Variants in SF3A3 observed in about 807,000 individuals in gnomAD.
SF3A3 encodes the protein SAP 61.
In SF3A3, 9 loss-of-function variants were observed where a neutral mutation model predicts 85.8. The observed-to-expected ratio is 0.10, with a 90% CI of 0.06 to 0.18. SF3A3 has a LOEUF of 0.18. SF3A3 is among the 10% of genes least tolerant of loss of function. The probability of loss-of-function intolerance (pLI) is 1.00; values close to 1 mark genes in which losing one functional copy is unlikely to be tolerated. For synonymous variants in SF3A3, 195 were observed against 204.4 expected, an observed-to-expected ratio of 0.95 and a Z score of 0.39; for missense variants, 306 against 593.3, an observed-to-expected ratio of 0.52 and a Z score of 5.03.
chr1:37,985,206 G>A (rs919271844), intron 4 of SF3A3, among the ~76,000 whole-genome samples: 3 of 152,180 alleles, frequency 2.0e-5, no homozygotes, highest in Non-Finnish European at 2.9e-5. Flanking sequence ...TTTTTCACTA[G>A]GAAATCTACT....
In SF3A3 at chr1:37,966,935, CAAAAAAAAAAAA is replaced by C. The variant is rs11394683; in HGVS notation, c.1372+1097_1372+1108del. On this transcript the variant is annotated intron_variant, in intron 15 of 16. Coordinates refer to ENST00000373019, the MANE Select transcript of SF3A3 (RefSeq NM_006802.4). Reference sequence around the variant, plus strand: ...GGGCAATATGAGCGAAACTCCATCTCAAAAAAAAAAAAAAAAAAAAAAAAAATGCAATAATTA... The same window carrying C: ...GGGCAATATGAGCGAAACTCCATCTCAAAAAAAAAAAAAATGCAATAATTA... 9.2e-4 allele frequency among the ~76,000 whole-genome samples: 13 copies of C among 14,168 alleles called. No homozygotes were observed. In the South Asian group the frequency reaches 0.02, roughly 22 times the overall value. 9.3% of individuals were successfully genotyped at this position (14,168 alleles called of 152,430 possible). A position where few individuals can be genotyped will look rare whatever the true frequency, so the allele number is the denominator to read the frequency against.
At chr1:37,988,879 GTA>G (rs67489095) in intron 2 of SF3A3, among the ~76,000 whole-genome samples, 76 of 144,420 alleles carry the variant, frequency 5.3e-4, no homozygotes, top group Middle Eastern at 3.5e-3. Context: ...GTGTGTGTGT[GTA>G]TATATATATA....
At chr1:37,973,934 A>T (rs977144122) in intron 12 of SF3A3, among the ~76,000 whole-genome samples, 1 of 152,208 alleles carries the variant, frequency 6.6e-6, no homozygotes, top group Non-Finnish European at 1.5e-5. Context: ...CTTTGTAGGG[A>T]CATGGATGAA....
chr1:37,989,831 T>C (rs1646483353), intron 1 of SF3A3, 39 bp downstream of exon 1: 1 of 1,504,324 alleles, frequency 6.6e-7, no homozygotes, highest in Non-Finnish European at 9.2e-7. Context: ...GGATAGAGGC[T>C]CGTGCTCCTG....
chr1:37,981,559 C>T (rs1646418868), intron 7 of SF3A3, among the ~76,000 whole-genome samples, 170 bp downstream of exon 7: 1 of 152,178 alleles, frequency 6.6e-6, no homozygotes, highest in Non-Finnish European at 1.5e-5. Context: ...CACGTCCAGA[C>T]TATCGCAAAG....
Position 37,967,677 on chromosome 1 carries a change from C to CAAAAAAA in SF3A3, c.1372+360_1372+366dup. On this transcript the variant is annotated intron_variant, in intron 15 of 16. Coordinates refer to ENST00000373019, the MANE Select transcript of SF3A3 (RefSeq NM_006802.4). Reference sequence around the variant, plus strand: ...TGGGCGACAGAGTGAGACTCCGTCACAAAAAAAAAAAAAAAAAAAAAAAAA... The same window carrying CAAAAAAA: ...TGGGCGACAGAGTGAGACTCCGTCACAAAAAAAAAAAAAAAAAAAAAAAAAAAAAAAA... Among the ~76,000 whole-genome samples, 89 of 44,280 alleles carry CAAAAAAA rather than the reference C, an allele frequency of 2.0e-3. 8 individuals carry two copies. The highest frequency in any genetic ancestry group is 0.031 in the Middle Eastern group (1 of 32). The allele number at this position is 44,280 out of a possible 152,430, so 29.0% of individuals were successfully genotyped here.
intron 4 of SF3A3, 41 bp from the exon 5 acceptor site, chr1:37,984,820 G>C: frequency 6.5e-7 from 1 of 1,530,310 alleles, no homozygotes; most frequent in Non-Finnish European, 9.1e-7. Context: ...TTTTCTTTTT[G>C]CTTTTGAGAT....
chr1:37,978,906 A>G (rs1646398034), intron 10 of SF3A3, 79 bp from the exon 11 acceptor site: 1 of 1,556,136 alleles, frequency 6.4e-7, no homozygotes. Flanking sequence ...TGGAGCAACA[A>G]AAAAAATGGA....
intron 4 of SF3A3, among the ~76,000 whole-genome samples, chr1:37,985,768 C>T (rs1646451848): frequency 6.6e-6 from 1 of 152,100 alleles, no homozygotes; most frequent in African/African-American, 2.4e-5. Context: ...ATTCTCTATC[C>T]TCCAAGGGGG....
Position 37,957,173 on chromosome 1 carries a change from C to T in SF3A3, c.*1013G>A, listed in dbSNP as rs1372772569. The T allele has an allele frequency of 1.3e-5, 2 of 152,172 alleles. No homozygotes were observed. The highest frequency in any genetic ancestry group is 4.8e-5 in the African/African-American group (2 of 41,426). 9.4% of individuals were successfully genotyped at this position (152,172 alleles called of 1,614,324 possible). A position where few individuals can be genotyped will look rare whatever the true frequency, so the allele number is the denominator to read the frequency against. On this transcript the variant is annotated 3_prime_UTR_variant, in exon 17 of 17. Transcript: ENST00000373019. Reference sequence around the variant, plus strand: ...TTTGGATCCTGGGGCAGCTGCTCAACTCTACCCAACTCTACCATGGCTACC... The same window carrying T: ...TTTGGATCCTGGGGCAGCTGCTCAATTCTACCCAACTCTACCATGGCTACC...
At chr1:37,986,952 C>G (rs901358850) in intron 4 of SF3A3, among the ~76,000 whole-genome samples, 1 of 150,790 alleles carries the variant, frequency 6.6e-6, no homozygotes, top group Admixed American at 6.6e-5. Context: ...AAAATCTTGA[C>G]CAACCCAACG....
chr1:37,970,845 G>A (rs1487461943), intron 12 of SF3A3, among the ~76,000 whole-genome samples: 3 of 152,230 alleles, frequency 2.0e-5, no homozygotes, highest in African/African-American at 4.8e-5. Flanking sequence ...TCTCTGGGAC[G>A]CATTTAAAGC....
rs1210775635 is a variant in SF3A3, at chr1:37,967,417, T to C, written c.1372+627A>G. On this transcript the variant is annotated intron_variant, in intron 15 of 16. Transcript: ENST00000373019. ...AAAATTAGCCAGGTGTGGCGGCTCATGCCTGTAATCCCAGCACTTTGGGAG... is the reference window on the plus strand; with the variant it reads ...AAAATTAGCCAGGTGTGGCGGCTCACGCCTGTAATCCCAGCACTTTGGGAG... Among the ~76,000 whole-genome samples the C allele has an allele frequency of 2.6e-5, 4 of 151,270 alleles. No homozygotes were observed. In the South Asian group the frequency reaches 8.4e-4, roughly 32 times the overall value.
In SF3A3 at chr1:37,969,726, G is replaced by A; in HGVS notation, c.1015C>T (p.His339Tyr). Residue 339 changes from histidine to tyrosine, a missense_variant, in exon 13 of 17, where the codon CAT (histidine) becomes TAT (tyrosine). Transcript: ENST00000373019. ...EYVEILGEQR[H>Y]LTHENVQRKQ... ...CGCTGTACATTTTCATGAGTGAGAT[G>A]TCGCTGTTCCTAAAGCAGGTCCATA... 1 of 1,614,070 alleles carries A rather than the reference G, an allele frequency of 6.2e-7. No individual in the cohort carries two copies. The highest frequency in any genetic ancestry group is 8.5e-7 in the Non-Finnish European group (1 of 1,179,982).
chr1:37,967,373 G>A lies in SF3A3; in HGVS notation c.1372+671C>T, dbSNP rs1438114202. On this transcript the variant is annotated intron_variant, in intron 15 of 16. Transcript: ENST00000373019. Reference sequence around the variant, plus strand: ...ATCCTGGCTCACACAGTGAAACCCCGTCTCTACTAAAAATACAAAAAATTA... The same window carrying A: ...ATCCTGGCTCACACAGTGAAACCCCATCTCTACTAAAAATACAAAAAATTA... Among the ~76,000 whole-genome samples, 4 of 151,332 alleles carry A rather than the reference G, an allele frequency of 2.6e-5. No homozygotes were observed. In the South Asian group the frequency reaches 6.3e-4, roughly 24 times the overall value.
At chr1:37,987,071 A>C (rs1646462605) in intron 4 of SF3A3, among the ~76,000 whole-genome samples, 1 of 151,754 alleles carries the variant, frequency 6.6e-6, no homozygotes, top group African/African-American at 2.4e-5. Flanking sequence ...CTGCCCACAA[A>C]ATGTGGCCTT....
chr1:37,980,687 T>A lies in SF3A3; in HGVS notation c.589A>T (p.Thr197Ser). Residue 197 changes from threonine (T) to serine (S), a missense_variant, in exon 8 of 17, where the codon ACA (threonine) becomes TCA (serine). Transcript: ENST00000373019. The stretch of plus-strand genomic sequence containing the variant: ...TCTTGGAGAGGCTTCACTCTATCTG[T>A]GTAATCCTGAAGGTACTCAAGCAGC... ...EMLLEYLQDY[T>S]DRVKPLQDQN... 1 of 1,613,974 alleles carries A rather than the reference T, an allele frequency of 6.2e-7. No homozygotes were observed. The highest frequency in any genetic ancestry group is 1.7e-5 in the Admixed American group (1 of 59,998).
rs751915935 is a variant in SF3A3 at position 37,969,669 on chromosome 1, C to T, written c.1072G>A (p.Glu358Lys). The T allele has an allele frequency of 6.2e-7, 1 of 1,614,110 alleles. No individual in the cohort carries two copies. The highest frequency in any genetic ancestry group is 1.1e-5 in the South Asian group (1 of 91,088). ...TCACTGATCTGCTCTTCTTCCTCTT[C>T]TTCTCGCTCTTCTCCTGTCCTGGCT... The part of the protein sequence containing the change: ...KQARTGEERE[E>K]EEEEQISESE... Residue 358 changes from glutamate to lysine, a missense_variant, in exon 13 of 17, where the codon GAA (glutamate) becomes AAA (lysine). Coordinates refer to ENST00000373019, the MANE Select transcript of SF3A3 (RefSeq NM_006802.4).
At chr1:37,987,715 C>A in intron 3 of SF3A3, 37 bp from the exon 4 acceptor site, 1 of 1,607,204 alleles carries the variant, frequency 6.2e-7, no homozygotes, top group Non-Finnish European at 8.5e-7. Flanking sequence ...AGATAGAGCA[C>A]AAAGTCAGTC....
Sources: allele counts gnomAD v4.1 joint callset (sites outside exome capture counted in the v4.1 genomes callset), GRCh38; gene constraint gnomAD v4.1.1; transcripts MANE v1.5; gene names NCBI Gene and HGNC (gene_info 2026-07-23, HGNC 2026-07-21).